CBL: variants seen among roughly 807,000 people sequenced by gnomAD.
The protein encoded by CBL is E3 ubiquitin-protein ligase CBL.
Under a neutral mutation model 96.9 loss-of-function variants are expected in CBL, and 45 were observed. The ratio of observed to expected loss-of-function variants is 0.46; its 90% CI spans 0.37 to 0.60. The LOEUF (loss-of-function observed/expected upper bound fraction) is 0.60. Ranked by LOEUF, CBL falls within the 20% of genes least tolerant of loss-of-function variation. CBL has a pLI of 0.00. For synonymous variants in CBL, 420 were observed against 426.8 expected, an observed-to-expected ratio of 0.98 and a Z score of 0.20; for missense variants, 1,024 against 1,143.5, an observed-to-expected ratio of 0.90 and a Z score of 1.51.
At position 119,307,945 on chromosome 11, in the gene CBL, C is replaced by A. The variant is rs1424463634; in HGVS notation, c.*8164C>A. 4 of 196,132 alleles carry A rather than the reference C, an allele frequency of 2.0e-5. No homozygotes were observed. The highest frequency in any genetic ancestry group is 3.2e-5 in the Non-Finnish European group (3 of 94,204). 12.1% of individuals were successfully genotyped at this position (196,132 alleles called of 1,614,324 possible). ...GAAAAACAGAAGGTAAATATTCTTACAGAGAATAGCAGAGCTTTAAGATTC... is the reference window on the plus strand; with the variant it reads ...GAAAAACAGAAGGTAAATATTCTTAAAGAGAATAGCAGAGCTTTAAGATTC... On this transcript the variant is annotated 3_prime_UTR_variant, in exon 16 of 16. Transcript: ENST00000264033.
intron 4 of CBL, 57 bp downstream of exon 4, chr11:119,274,081 C>CTG: frequency 1.3e-5 from 12 of 916,434 alleles, no homozygotes; most frequent in Non-Finnish European, 1.5e-5. Context: ...GAAGAGAAAG[C>CTG]TTTTTTTTTT....
chr11:119,248,759 C>T (rs1949649942), intron 2 of CBL, among the ~76,000 whole-genome samples: 2 of 152,222 alleles, frequency 1.3e-5, no homozygotes, highest in African/African-American at 4.8e-5. Flanking sequence ...GATCAACATC[C>T]AGAACATGTA....
intron 9 of CBL, among the ~76,000 whole-genome samples, chr11:119,283,084 G>A (rs965029211): frequency 6.6e-6 from 1 of 152,238 alleles, no homozygotes; most frequent in African/African-American, 2.4e-5. Context: ...TACAGAGCAA[G>A]ACCCTGTCTC....
At position 119,301,699 on chromosome 11, in the gene CBL, C is replaced by T. The variant is rs528450894; in HGVS notation, c.*1918C>T. 3.0e-3 allele frequency: 699 copies of T among 233,242 alleles called. 1 individual carries two copies. The highest frequency in any genetic ancestry group is 4.3e-3 in the Non-Finnish European group (512 of 118,042). The allele number at this position is 233,242 out of a possible 1,614,324, so 14.4% of individuals were successfully genotyped here. ...TTGCTGTGGTTACCCAGTGTCTTCT[C>T]TACATGGCATAAAGCGGCAAAGCCC... On this transcript the variant is annotated 3_prime_UTR_variant, in exon 16 of 16. Transcript: ENST00000264033.
At chr11:119,250,955 A>C (rs2135279963) in intron 2 of CBL, among the ~76,000 whole-genome samples, 1 of 152,288 alleles carries the variant, frequency 6.6e-6, no homozygotes, top group South Asian at 2.1e-4. Context: ...TGTCTCAAAA[A>C]TAAAAAAATA....
chr11:119,296,796 T>C lies in CBL; in HGVS notation c.2037-122T>C, dbSNP rs74660179. ...TTGGTCAGCAGAAATAATAGTTCCC[T>C]AGGTGACATGTATTTTGCTCTGTTC... On this transcript the variant is annotated intron_variant, in intron 12 of 15. Coordinates refer to ENST00000264033, the MANE Select transcript of CBL (RefSeq NM_005188.4). The C allele has an allele frequency of 6.8e-4, 468 of 688,652 alleles. 6 individuals are homozygous for C. In the East Asian group the frequency reaches 0.011, roughly 16 times the overall value. The allele number at this position is 688,652 out of a possible 1,614,324, so 42.7% of individuals were successfully genotyped here.
At chr11:119,272,072 A>G (rs1949853010) in intron 3 of CBL, among the ~76,000 whole-genome samples, 191 bp downstream of exon 3, 1 of 152,196 alleles carries the variant, frequency 6.6e-6, no homozygotes, top group Admixed American at 6.5e-5. Context: ...AGTTTTGCAG[A>G]TTAAATTGAA....
Position 119,299,561 on chromosome 11 carries a change from A to C in CBL, c.2501A>C (p.Glu834Ala). The change falls in exon 16 of 16, where the codon GAA becomes GCA. Residue 834 changes from glutamate (E) to alanine (A), a missense_variant. Around this residue, in one of 4 missense-constraint regions of CBL, gnomAD observed 695 missense variants for 661.6 expected, o/e 1.05. Coordinates refer to ENST00000264033, the MANE Select transcript of CBL (RefSeq NM_005188.4). ...CCATTCCCGCGGAGAATCAACTCTG[A>C]ACGGAAAGCTGGCAGCTGTCAGCAA... is the stretch of plus-strand genomic sequence containing the variant. ...PKPFPRRINS[E>A]RKAGSCQQGS... 1 of 1,614,138 alleles carries C rather than the reference A, an allele frequency of 6.2e-7. No individual in the cohort carries two copies.
At chr11:119,251,884 C>T (rs1949672050) in intron 2 of CBL, among the ~76,000 whole-genome samples, 1 of 152,188 alleles carries the variant, frequency 6.6e-6, no homozygotes. Flanking sequence ...AAGTCTACAA[C>T]TGCATTTAAA....
At chr11:119,264,418 CTTCTCTTCTCTTCTCTTCTCTTCT>C (rs201728203) in intron 2 of CBL, among the ~76,000 whole-genome samples, 2,150 of 125,710 alleles carry the variant, frequency 0.017, 21 homozygotes, top group East Asian at 0.042. Flanking sequence ...CTTCTCTTCT[CTTCTCTTCTCTTCTCTTCTCTTCT>C]TTCTCTTCTC....
intron 2 of CBL, among the ~76,000 whole-genome samples, chr11:119,236,603 A>G (rs1387781772): frequency 1.4e-5 from 2 of 144,672 alleles, no homozygotes; most frequent in African/African-American, 2.5e-5. Context: ...GAGTATATAT[A>G]TATATATATA....
chr11:119,206,686 A>C, intron 1 of CBL, 74 bp downstream of exon 1: 3 of 1,274,220 alleles, frequency 2.4e-6, no homozygotes, highest in Non-Finnish European at 3.1e-6. Flanking sequence ...GAACGAGCGG[A>C]CGGAGGAAGC....
intron 2 of CBL, among the ~76,000 whole-genome samples, chr11:119,236,930 ATGGT>A (rs1273998172): frequency 6.6e-6 from 1 of 152,140 alleles, no homozygotes; most frequent in Admixed American, 6.6e-5. Context: ...GCAGTCAACC[ATGGT>A]TTGAAAATAT....
rs189045403 is a variant in CBL at position 119,261,794 on chromosome 11, C to T, written c.444-9941C>T. Reference sequence around the variant, plus strand: ...ACAGAGAAATCTGATTAAACAGGACCGTGAAGTAACATAGCTAGTGAACAC... The same window carrying T: ...ACAGAGAAATCTGATTAAACAGGACTGTGAAGTAACATAGCTAGTGAACAC... On this transcript the variant is annotated intron_variant, in intron 2 of 15. Transcript: ENST00000264033. 1.8e-4 allele frequency among the ~76,000 whole-genome samples: 28 copies of T among 152,190 alleles called. No homozygotes were observed. The East Asian group carries it at 2.3e-3, about 13-fold the overall frequency.
rs1179387737 is a variant in CBL at position 119,304,502 on chromosome 11, TC to T, written c.*4723del. 1 of 233,058 alleles carries T rather than the reference TC, an allele frequency of 4.3e-6. No individual in the cohort carries two copies. Among genetic ancestry groups the T allele is most frequent in the African/African-American group, 2.2e-5 (1 of 45,308 alleles). The allele number at this position is 233,058 out of a possible 1,614,324, so 14.4% of individuals were successfully genotyped here. Reference sequence around the variant, plus strand: ...TGGAACTGCAGAGCTTTGCACCTAGTCCTTTCTCCCGCTTCACAGTCTGCTT... The same window carrying T: ...TGGAACTGCAGAGCTTTGCACCTAGTCTTTCTCCCGCTTCACAGTCTGCTT... On this transcript the variant is annotated 3_prime_UTR_variant, in exon 16 of 16. Coordinates refer to ENST00000264033, the MANE Select transcript of CBL (RefSeq NM_005188.4).
chr11:119,246,744 G>A (rs755493356), intron 2 of CBL, among the ~76,000 whole-genome samples: 4 of 152,116 alleles, frequency 2.6e-5, no homozygotes, highest in South Asian at 4.1e-4. Flanking sequence ...GAGCCAGTGC[G>A]CCCAGGCGAG....
chr11:119,274,931 A>G lies in CBL; in HGVS notation c.847A>G (p.Lys283Glu). 6.2e-7 allele frequency: 1 copy of G among 1,614,104 alleles called. No individual in the cohort carries two copies. The highest frequency in any genetic ancestry group is 8.5e-7 in the Non-Finnish European group (1 of 1,179,980). ...TGACGAAGTGAAAGCTCGGCTCCAG[A>G]AATTCATTCACAAACCTGGCAGGTC... ...TYDEVKARLQ[K>E]FIHKPGSYIF... The change falls in exon 5 of 16, where the codon AAA becomes GAA. Residue 283 changes from lysine to glutamate, a missense_variant. Lys to Glu is a moderately conservative substitution (Grantham distance 56, BLOSUM62 1). Around this residue, in one of 4 missense-constraint regions of CBL, gnomAD observed 192 missense variants for 321.8 expected, o/e 0.60. Coordinates refer to ENST00000264033, the MANE Select transcript of CBL (RefSeq NM_005188.4).
intron 9 of CBL, 21 bp downstream of exon 9, chr11:119,278,734 A>T: frequency 6.3e-7 from 1 of 1,598,344 alleles, no homozygotes; most frequent in Non-Finnish European, 8.6e-7. Flanking sequence ...AGTTTAGGAG[A>T]CTGGCAAAAT....
chr11:119,257,524 A>T (rs928046323), intron 2 of CBL, among the ~76,000 whole-genome samples: 2 of 152,042 alleles, frequency 1.3e-5, no homozygotes, highest in African/African-American at 2.4e-5. Flanking sequence ...CCTTTGTTGG[A>T]TGCATTGCTT....
Sources: gnomAD v4.1 joint callset for allele counts (sites outside exome capture counted in the v4.1 genomes callset) on GRCh38, gnomAD v4.1.1 for gene constraint, gnomAD v4.1.1 regional missense constraint, MANE v1.5 for transcripts, NCBI Gene and HGNC (gene_info 2026-07-23, HGNC 2026-07-21) for gene names.